KALRN: variants seen among roughly 807,000 people sequenced by gnomAD.
KALRN encodes the protein kalirin.
In KALRN, 70 loss-of-function variants were observed where a neutral mutation model predicts 353.7. That is an observed-to-expected ratio of 0.20 (90% CI 0.16 to 0.24). The LOEUF (loss-of-function observed/expected upper bound fraction) is 0.24, where lower values mean the gene tolerates loss of function less well. Among genes scored for constraint, KALRN ranks in the 10% least tolerant of loss-of-function variants. KALRN has a pLI of 1.00. For synonymous variants in KALRN, 1,391 were observed against 1,434.8 expected (o/e 0.97, Z 0.69); for missense variants, 2,791 against 3,756.7 (o/e 0.74, Z 6.72).
intron 8 of KALRN, among the ~76,000 whole-genome samples, chr3:124,332,542 A>G (rs991432472): frequency 2.4e-4 from 36 of 152,180 alleles, no homozygotes; most frequent in African/African-American, 6.7e-4. Context: ...GGAAAGATGC[A>G]TGTTCTGTTG....
chr3:124,173,114 G>T (rs2072121290), intron 1 of KALRN, among the ~76,000 whole-genome samples: 1 of 151,958 alleles, frequency 6.6e-6, no homozygotes, highest in Non-Finnish European at 1.5e-5. Context: ...GGGTGGGGAT[G>T]GTGGGAAGAA....
chr3:124,094,923 T>G (rs2061339909), intron 1 of KALRN: 1 of 1,609,608 alleles, frequency 6.2e-7, no homozygotes, highest in African/African-American at 1.3e-5. Flanking sequence ...AGTGTGTGTA[T>G]GCTTGTATGA....
intron 19 of KALRN, among the ~76,000 whole-genome samples, chr3:124,445,761 C>T (rs2093817004): frequency 6.6e-6 from 1 of 152,208 alleles, no homozygotes; most frequent in Non-Finnish European, 1.5e-5. Flanking sequence ...CTAATGAGTC[C>T]TTAAGAATGA....
chr3:124,220,403 T>C (rs1293991902), intron 1 of KALRN, among the ~76,000 whole-genome samples: 1 of 151,060 alleles, frequency 6.6e-6, no homozygotes, highest in Non-Finnish European at 1.5e-5. Flanking sequence ...TGTGTGTGTA[T>C]GTGTGTGTGT....
At chr3:124,707,423 T>TTCCTTCCC (rs1433494597) in intron 57 of KALRN, among the ~76,000 whole-genome samples, 1 of 150,748 alleles carries the variant, frequency 6.6e-6, no homozygotes, top group African/African-American at 2.4e-5. Context: ...CCTTCCTTCC[T>TTCCTTCCC]TCCTTCCTTC....
intron 1 of KALRN, among the ~76,000 whole-genome samples, chr3:124,177,333 A>G (rs2072926698): frequency 6.6e-6 from 1 of 152,244 alleles, no homozygotes; most frequent in South Asian, 2.1e-4. Flanking sequence ...TTTAAACACA[A>G]TAAATATCCA....
At chr3:124,453,767 G>T (rs137977697) in intron 21 of KALRN, among the ~76,000 whole-genome samples, 1,729 of 152,198 alleles carry the variant, frequency 0.011, 30 homozygotes, top group African/African-American at 0.04. Context: ...TGCTTGTTGG[G>T]TGTCTCTCTC....
At chr3:124,034,662 C>G (rs1188090093) in intron 1 of KALRN, among the ~76,000 whole-genome samples, 1 of 152,058 alleles carries the variant, frequency 6.6e-6, no homozygotes, top group African/African-American at 2.4e-5. Flanking sequence ...CACTGACCAC[C>G]CTTATCTTCC....
intron 1 of KALRN, among the ~76,000 whole-genome samples, chr3:124,197,412 A>G (rs2074856437): frequency 2.0e-5 from 3 of 152,218 alleles, no homozygotes. Context: ...ACAAACACCC[A>G]GAACACAGTC....
chr3:124,386,090 A>G (rs1285500374), intron 11 of KALRN, among the ~76,000 whole-genome samples: 2 of 152,174 alleles, frequency 1.3e-5, no homozygotes, highest in African/African-American at 4.8e-5. Flanking sequence ...CCTGTCAGAG[A>G]AAAACATGAA....
At chr3:124,572,737 C>T (rs1472491656) in intron 34 of KALRN, among the ~76,000 whole-genome samples, 1 of 152,190 alleles carries the variant, frequency 6.6e-6, no homozygotes, top group African/African-American at 2.4e-5. Flanking sequence ...TTGTCTGTGG[C>T]TTTACCTCGG....
intron 1 of KALRN, among the ~76,000 whole-genome samples, chr3:124,149,096 T>C (rs1387077327): frequency 2.6e-5 from 4 of 152,310 alleles, no homozygotes; most frequent in African/African-American, 9.6e-5. Flanking sequence ...GAGTGAAAAA[T>C]AGAGCTGGGA....
At chr3:124,182,369 G>A (rs1334265290) in intron 1 of KALRN, among the ~76,000 whole-genome samples, 2 of 152,184 alleles carry the variant, frequency 1.3e-5, no homozygotes, top group Non-Finnish European at 2.9e-5. Context: ...CGTGGAAAAA[G>A]CTGACTTGAC....
chr3:124,139,826 G>A (rs2066405697), intron 1 of KALRN, among the ~76,000 whole-genome samples: 1 of 152,228 alleles, frequency 6.6e-6, no homozygotes, highest in East Asian at 1.9e-4. Flanking sequence ...AGCAACAAGG[G>A]GGGATTTTGT....
chr3:124,401,578 C>T (rs78447653), intron 13 of KALRN, among the ~76,000 whole-genome samples: 2,409 of 152,242 alleles, frequency 0.016, 41 homozygotes, highest in African/African-American at 0.045. Flanking sequence ...AAAAATTCCT[C>T]GTCCCACCCT....
chr3:124,313,932 G>A (rs1408617465), intron 6 of KALRN, among the ~76,000 whole-genome samples: 2 of 152,150 alleles, frequency 1.3e-5, no homozygotes, highest in Non-Finnish European at 2.9e-5. Flanking sequence ...TAGGATGGCT[G>A]GGTCAAATGG....
At chr3:124,585,585 G>A (rs996236081) in intron 34 of KALRN, among the ~76,000 whole-genome samples, 1 of 152,094 alleles carries the variant, frequency 6.6e-6, no homozygotes, top group Non-Finnish European at 1.5e-5. Flanking sequence ...CAAAGCAGCC[G>A]GCGAACAGGA....
chr3:124,152,573 TTTTC>T (rs1307033419), intron 1 of KALRN: 9 of 29,150 alleles, frequency 3.1e-4, no homozygotes, highest in Admixed American at 1.4e-3. Context: ...TTTTCTTTTC[TTTTC>T]TTTCTTTCTT....
chr3:124,488,722 C>T (rs1277461813), intron 29 of KALRN: 1 of 157,720 alleles, frequency 6.3e-6, no homozygotes, highest in Admixed American at 6.4e-5. Context: ...CACATACACA[C>T]AAAACATACC....
Sources: gnomAD v4.1 joint callset for allele counts (sites outside exome capture counted in the v4.1 genomes callset) on GRCh38, gnomAD v4.1.1 for gene constraint, MANE v1.5 for transcripts, NCBI Gene and HGNC (gene_info 2026-07-23, HGNC 2026-07-21) for gene names.